SRRM4: variants seen among roughly 807,000 people sequenced by gnomAD.
SRRM4 encodes serine/arginine repetitive matrix 4, also known as serine/arginine repetitive matrix protein 4.
Under a neutral mutation model 68.9 loss-of-function variants are expected in SRRM4, and 33 were observed. The observed-to-expected ratio is 0.48, with a 90% CI of 0.36 to 0.64. The LOEUF is 0.64. Among genes scored for constraint, SRRM4 ranks in the 30% least tolerant of loss-of-function variants. The pLI is 0.00. For missense variants in SRRM4, 817 were observed against 827.1 expected (o/e 0.99, Z 0.15); for synonymous variants, 318 against 318.8 (o/e 1.00, Z 0.03).
At chr12:119,016,930 T>G (rs772547937) in intron 1 of SRRM4, among the ~76,000 whole-genome samples, 359 of 152,372 alleles carry the variant, frequency 2.4e-3, no homozygotes, top group Non-Finnish European at 2.7e-3. Flanking sequence ...TTTTCTCATC[T>G]GTAGAATGGG....
At position 119,154,247 on chromosome 12, in the gene SRRM4, C is replaced by T. The variant is rs761201907; in HGVS notation, c.1396C>T (p.Arg466Trp). ...SYSRYSPSRERDPKYSEKDSQ... is the reference protein window; with the variant it reads ...SYSRYSPSREWDPKYSEKDSQ... ...TAACCCCCCGCGCCCCTTCAGGGAG[C>T]GGGATCCCAAATACAGTGAGAAGGA... The change falls in exon 12 of 13, where the codon CGG (arginine) becomes TGG (tryptophan). Residue 466 changes from arginine (R) to tryptophan (W), a missense_variant. Coordinates refer to ENST00000267260, the MANE Select transcript of SRRM4 (RefSeq NM_194286.4). The surrounding 1 kb of genome is among the most constrained non-coding windows in gnomAD (Gnocchi z 4.7). 2 of 1,603,216 alleles carry T rather than the reference C, an allele frequency of 1.2e-6. No individual in the cohort carries two copies. The highest frequency in any genetic ancestry group is 8.5e-7 in the Non-Finnish European group (1 of 1,174,256).
intron 1 of SRRM4, among the ~76,000 whole-genome samples, chr12:119,068,513 TG>T (rs777062235): frequency 6.6e-6 from 1 of 152,082 alleles, no homozygotes. Flanking sequence ...GCAGTGAGGG[TG>T]GGGGCGCCTC....
At chr12:119,021,012 T>C (rs1056319497) in intron 1 of SRRM4, among the ~76,000 whole-genome samples, 1 of 152,172 alleles carries the variant, frequency 6.6e-6, no homozygotes, top group Admixed American at 6.5e-5. Context: ...GCTGGTTCTC[T>C]GGGTGACTTG....
At chr12:119,094,671 C>T (rs150180767) in intron 1 of SRRM4, among the ~76,000 whole-genome samples, 137 of 152,326 alleles carry the variant, frequency 9.0e-4, no homozygotes, top group African/African-American at 3.1e-3. Context: ...AAACACATTC[C>T]GTGACCACCT....
intron 1 of SRRM4, among the ~76,000 whole-genome samples, chr12:119,034,656 C>T (rs970438088): frequency 1.1e-4 from 16 of 152,188 alleles, no homozygotes; most frequent in African/African-American, 3.6e-4. Flanking sequence ...TGAAGCTGTG[C>T]CATTCAATAC....
chr12:119,091,880 A>C (rs1196234649), intron 1 of SRRM4, among the ~76,000 whole-genome samples: 3 of 152,106 alleles, frequency 2.0e-5, no homozygotes, highest in African/African-American at 7.2e-5. Flanking sequence ...GAGAGTTTCT[A>C]ATGTACCTGC....
chr12:119,143,760 G>A (rs1954382409), intron 8 of SRRM4, among the ~76,000 whole-genome samples: 1 of 152,162 alleles, frequency 6.6e-6, no homozygotes, highest in African/African-American at 2.4e-5. Flanking sequence ...GGTCTACAGA[G>A]ACCTGGAAAG....
chr12:119,075,981 T>C (rs1292235966), intron 1 of SRRM4, among the ~76,000 whole-genome samples: 2 of 151,850 alleles, frequency 1.3e-5, no homozygotes, highest in African/African-American at 4.8e-5. Flanking sequence ...GTGATGGTGA[T>C]GATGGTGCTG....
At chr12:119,072,500 GCTGCTCTCT>G (rs1280001500) in intron 1 of SRRM4, among the ~76,000 whole-genome samples, 1 of 152,328 alleles carries the variant, frequency 6.6e-6, no homozygotes, top group East Asian at 1.9e-4. Context: ...GGAGGGTGAA[GCTGCTCTCT>G]CTGAGTTGAT....
chr12:119,059,730 A>G lies in SRRM4; in HGVS notation c.132-42506A>G, dbSNP rs367568786. Among the ~76,000 whole-genome samples, 9 of 152,304 alleles carry G rather than the reference A, an allele frequency of 5.9e-5. No individual in the cohort carries two copies. The South Asian group carries it at 1.5e-3, about 25-fold the overall frequency. On this transcript the variant is annotated intron_variant, in intron 1 of 12. Transcript: ENST00000267260. The stretch of plus-strand genomic sequence containing the variant: ...GGTTTTAGGCAGTTGCATCTTCTCC[A>G]TATCTCATGTCGCTGCTACCCTGGC...
At chr12:119,056,389 A>G (rs1007756074) in intron 1 of SRRM4, among the ~76,000 whole-genome samples, 5 of 152,206 alleles carry the variant, frequency 3.3e-5, no homozygotes, top group African/African-American at 4.8e-5. Context: ...TTGCTGATGG[A>G]GAAACCAAAA....
intron 1 of SRRM4, among the ~76,000 whole-genome samples, chr12:119,058,735 G>A (rs947429481): frequency 1.3e-5 from 2 of 151,902 alleles, no homozygotes; most frequent in Non-Finnish European, 1.5e-5. Flanking sequence ...TTACTGTCTG[G>A]TCTCCCTAGA....
At chr12:119,070,963 C>G (rs1342657363) in intron 1 of SRRM4, among the ~76,000 whole-genome samples, 1 of 152,176 alleles carries the variant, frequency 6.6e-6, no homozygotes, top group Non-Finnish European at 1.5e-5. Flanking sequence ...CGGGGAGGTA[C>G]CAGGACTGGC....
At chr12:119,088,333 G>A (rs1953992088) in intron 1 of SRRM4, among the ~76,000 whole-genome samples, 1 of 152,062 alleles carries the variant, frequency 6.6e-6, no homozygotes, top group African/African-American at 2.4e-5. Context: ...AGGATTCCAG[G>A]CAAATTAAAA....
intron 2 of SRRM4, 108 bp from the exon 3 acceptor site, chr12:119,114,170 A>G (rs67353211): frequency 0.077 from 63,928 of 830,472 alleles, 3,038 homozygotes; most frequent in African/African-American, 0.19. Flanking sequence ...CACTGGCTAT[A>G]GGTCCTTGAT....
chr12:119,029,706 C>T (rs188415881), intron 1 of SRRM4, among the ~76,000 whole-genome samples: 15 of 152,306 alleles, frequency 9.8e-5, no homozygotes, highest in East Asian at 1.9e-4. Flanking sequence ...TTCTCCTACA[C>T]GTTTGTTTCT....
intron 7 of SRRM4, among the ~76,000 whole-genome samples, chr12:119,126,113 T>G (rs112786909): frequency 0.12 from 15,499 of 127,522 alleles, 1,106 homozygotes; most frequent in African/African-American, 0.2. Flanking sequence ...AACCTCCACC[T>G]CCTGGGTTCA....
At chr12:119,118,435 A>G (rs910375843) in intron 4 of SRRM4, among the ~76,000 whole-genome samples, 2 of 152,220 alleles carry the variant, frequency 1.3e-5, no homozygotes, top group Admixed American at 1.3e-4. Flanking sequence ...TTCCCAATCC[A>G]GGGATATGAC....
At chr12:119,152,248 A>T (rs555415093) in intron 10 of SRRM4, among the ~76,000 whole-genome samples, 1 of 152,346 alleles carries the variant, frequency 6.6e-6, no homozygotes, top group East Asian at 1.9e-4. Flanking sequence ...TGGTCATCTC[A>T]AGACTGGTCC....
Sources: allele counts gnomAD v4.1 joint callset (sites outside exome capture counted in the v4.1 genomes callset), GRCh38; gene constraint gnomAD v4.1.1; non-coding constraint Gnocchi (gnomAD v3.1); transcripts MANE v1.5; gene names NCBI Gene and HGNC (gene_info 2026-07-23, HGNC 2026-07-21).